The following FBXO27 variants were observed in gnomAD, a reference collection of about 807,000 sequenced individuals.
FBXO27 encodes F-box protein 27.
Under a neutral mutation model 28.3 loss-of-function variants are expected in FBXO27, and 28 were observed. The ratio of observed to expected loss-of-function variants is 0.99; its 90% CI spans 0.73 to 1.36. FBXO27 has a LOEUF of 1.36. FBXO27 is among the 40% of genes most tolerant of loss of function. FBXO27 has a pLI of 0.00. For missense variants in FBXO27, 388 were observed against 394.1 expected (o/e 0.98, Z 0.13); for synonymous variants, 175 against 167.3 (o/e 1.05, Z -0.36).
intron 1 of FBXO27, among the ~76,000 whole-genome samples, chr19:39,016,842 C>G (rs2072822728): frequency 6.6e-6 from 1 of 151,984 alleles, no homozygotes; most frequent in Non-Finnish European, 1.5e-5. Flanking sequence ...AATATGCACA[C>G]CAGGCTGCCT....
chr19:39,027,101 C>A, intron 4 of FBXO27, 96 bp from the exon 5 acceptor site: 2 of 1,493,432 alleles, frequency 1.3e-6, no homozygotes, highest in East Asian at 2.3e-5. Context: ...GTGTGCAAAT[C>A]CAGTTCCTCT....
intron 5 of FBXO27, among the ~76,000 whole-genome samples, chr19:39,026,506 G>A (rs369781418): frequency 9.9e-5 from 15 of 152,028 alleles, no homozygotes; most frequent in East Asian, 3.9e-4. Flanking sequence ...ACAGAGTCTC[G>A]CCCCGTCACC....
At chr19:39,030,161 A>G (rs1292916606) in intron 4 of FBXO27, among the ~76,000 whole-genome samples, 6 of 151,710 alleles carry the variant, frequency 4.0e-5, no homozygotes, top group Admixed American at 3.9e-4. Flanking sequence ...CCCTTTCCCA[A>G]CCTCTCAATT....
At chr19:39,011,809 G>A (rs1337025420) in intron 2 of FBXO27, among the ~76,000 whole-genome samples, 2 of 147,882 alleles carry the variant, frequency 1.4e-5, no homozygotes, top group Non-Finnish European at 3.0e-5. Context: ...CCACTATGCT[G>A]AGCCCTGATT....
chr19:39,016,840 C>G (rs1468611134), intron 1 of FBXO27, among the ~76,000 whole-genome samples: 2 of 151,916 alleles, frequency 1.3e-5, no homozygotes, highest in African/African-American at 4.8e-5. Context: ...AAAATATGCA[C>G]ACCAGGCTGC....
At chr19:39,020,626 G>T (rs950639313), downstream of FBXO27, among the ~76,000 whole-genome samples, 3 of 151,938 alleles carry the variant, frequency 2.0e-5, no homozygotes, top group African/African-American at 7.3e-5. Context: ...TTAGAGAAAG[G>T]CTACAAATAC....
At chr19:39,020,593 C>T (rs997486676), downstream of FBXO27, among the ~76,000 whole-genome samples, 4 of 151,992 alleles carry the variant, frequency 2.6e-5, no homozygotes, top group African/African-American at 7.2e-5. Context: ...GGAAGGATGA[C>T]ACCACTGAAG....
At chr19:39,023,308 G>A (rs919777856), downstream of FBXO27, among the ~76,000 whole-genome samples, 2 of 152,162 alleles carry the variant, frequency 1.3e-5, no homozygotes, top group African/African-American at 4.8e-5. Flanking sequence ...GGCCAACTGT[G>A]TATGTTTATC....
chr19:39,027,209 A>G (rs1280773576), intron 4 of FBXO27, among the ~76,000 whole-genome samples: 1 of 152,084 alleles, frequency 6.6e-6, no homozygotes, highest in Non-Finnish European at 1.5e-5. Context: ...TAATCTACCA[A>G]TATGATTTAG....
At chr19:39,018,591 G>A (rs1201739671) in intron 1 of FBXO27, among the ~76,000 whole-genome samples, 1 of 152,082 alleles carries the variant, frequency 6.6e-6, no homozygotes, top group African/African-American at 2.4e-5. Flanking sequence ...CATTACGAGA[G>A]AGTTGATTTG....
intron 2 of FBXO27, among the ~76,000 whole-genome samples, chr19:39,011,532 T>C (rs569813629): frequency 4.9e-4 from 75 of 152,304 alleles, no homozygotes; most frequent in African/African-American, 1.7e-3. Flanking sequence ...TTGATGAACA[T>C]GGGGTATCTA....
chr19:39,020,006 G>C (rs2072837981), downstream of FBXO27, among the ~76,000 whole-genome samples: 1 of 152,080 alleles, frequency 6.6e-6, no homozygotes, highest in African/African-American at 2.4e-5. Flanking sequence ...TCCCCACTTG[G>C]CCTCCCAAAG....
Position 39,025,333 on chromosome 19 carries a change from T to G in FBXO27, c.*78A>C. 2.6e-6 allele frequency: 4 copies of G among 1,527,830 alleles called. No homozygotes were observed. The highest frequency in any genetic ancestry group is 3.5e-6 in the Non-Finnish European group (4 of 1,131,210). The allele number at this position is 1,527,830 out of a possible 1,614,324, so 94.6% of individuals were successfully genotyped here. ...CAGGGAGGTACAAGTGCTTGGTTGG[T>G]TAATGAGGGGTCCCAGCCAATGGTC... is the stretch of plus-strand genomic sequence containing the variant. On this transcript the variant is annotated 3_prime_UTR_variant, in exon 6 of 6. Transcript: ENST00000292853.
chr19:39,031,170 C>CAACAAGGGGCCGGCCCT lies in FBXO27; in HGVS notation c.476+38_476+39insAGGGCCGGCCCCTTGTT. 3 of 1,613,452 alleles carry CAACAAGGGGCCGGCCCT rather than the reference C, an allele frequency of 1.9e-6. No homozygotes were observed. The South Asian group carries it at 3.3e-5, about 18-fold the overall frequency. ...GTAATGAGAACAGGCAGGCCTTTCT[C>CAACAAGGGGCCGGCCCT]AACAAGGGGCCGGACCTTTGGATAG... On this transcript the variant is annotated intron_variant, in intron 3 of 5. Coordinates refer to ENST00000292853, the MANE Select transcript of FBXO27 (RefSeq NM_178820.5).
chr19:39,018,200 A>C (rs2072828686), intron 1 of FBXO27, among the ~76,000 whole-genome samples: 1 of 152,138 alleles, frequency 6.6e-6, no homozygotes, highest in African/African-American at 2.4e-5. Flanking sequence ...CAAAACTTAC[A>C]CACATAAACA....
At chr19:39,029,873 G>A (rs538459873) in intron 4 of FBXO27, among the ~76,000 whole-genome samples, 17 of 152,090 alleles carry the variant, frequency 1.1e-4, no homozygotes, top group East Asian at 5.8e-4. Flanking sequence ...ATGGAGTCTC[G>A]CTCTGTTGCC....
At chr19:39,031,488 C>T in intron 2 of FBXO27, 168 bp from the exon 3 acceptor site, 3 of 647,796 alleles carry the variant, frequency 4.6e-6, no homozygotes, top group South Asian at 1.9e-5. Context: ...GGCAAAGCCC[C>T]GCTCCTCTGG....
intron 4 of FBXO27, among the ~76,000 whole-genome samples, chr19:39,028,678 C>T (rs554587518): frequency 3.3e-5 from 5 of 152,152 alleles, no homozygotes; most frequent in Admixed American, 1.3e-4. Context: ...GCCTGGCCAA[C>T]GTGGCCAAAC....
At chr19:39,018,927 G>T (rs970000756) in intron 1 of FBXO27, among the ~76,000 whole-genome samples, 1 of 151,724 alleles carries the variant, frequency 6.6e-6, no homozygotes, top group African/African-American at 2.4e-5. Flanking sequence ...AAATGAACTG[G>T]GCATGGTGGT....
Sources: gnomAD v4.1 joint callset for allele counts (sites outside exome capture counted in the v4.1 genomes callset) on GRCh38, gnomAD v4.1.1 for gene constraint, MANE v1.5 for transcripts, NCBI Gene and HGNC (gene_info 2026-07-23, HGNC 2026-07-21) for gene names.